Variants in ZDHHC11B observed in about 807,000 individuals in gnomAD.
The protein encoded by ZDHHC11B is zDHHC palmitoyltransferase 11B (putative), also known as probable palmitoyltransferase ZDHHC11B.
Under a neutral mutation model 42.3 loss-of-function variants are expected in ZDHHC11B, and 17 were observed. The observed-to-expected ratio is 0.40, with a 90% CI of 0.27 to 0.60. The LOEUF is 0.60. ZDHHC11B is among the 20% of genes least tolerant of loss of function. The pLI is 0.41. For synonymous variants in ZDHHC11B, 123 were observed against 193.5 expected, an observed-to-expected ratio of 0.64 and a Z score of 3.02; for missense variants, 262 against 463.2, an observed-to-expected ratio of 0.57 and a Z score of 3.99.
rs1346350033 is a variant in ZDHHC11B at position 776,757 on chromosome 5, G to A, written c.-229-7827C>T. ...GACCTGGGAGCCCTGCCCTCCTGCC[G>A]AGGAGGTGCTTCCCCATTAAACAGG... On this transcript the variant is annotated intron_variant, in intron 1 of 13. Transcript: ENST00000508859. Among the ~76,000 whole-genome samples, 39 of 151,990 alleles carry A rather than the reference G, an allele frequency of 2.6e-4. 1 individual carries two copies. Among genetic ancestry groups the A allele is most frequent in the Non-Finnish European group, 4.6e-4 (31 of 67,928 alleles).
At chr5:737,831 C>T (rs1248671873) in intron 10 of ZDHHC11B, among the ~76,000 whole-genome samples, 3 of 146,160 alleles carry the variant, frequency 2.1e-5, no homozygotes, top group African/African-American at 7.7e-5. Flanking sequence ...TATGACAAAC[C>T]CACAGCCAAC....
rs1343647794 is a variant in ZDHHC11B, at chr5:710,816, C to T, written c.*1474G>A. The T allele has an allele frequency of 1.3e-5, 2 of 152,810 alleles. No individual in the cohort carries two copies. The highest frequency in any genetic ancestry group is 2.9e-5 in the Non-Finnish European group (2 of 68,282). 9.5% of individuals were successfully genotyped at this position (152,810 alleles called of 1,614,324 possible). ...TGCTCCCATTTCCGAATACTGTGCTCCCATTTCCCAGTACTGTGAGCTCCC... is the reference window on the plus strand; with the variant it reads ...TGCTCCCATTTCCGAATACTGTGCTTCCATTTCCCAGTACTGTGAGCTCCC... On this transcript the variant is annotated 3_prime_UTR_variant, in exon 14 of 14. Transcript: ENST00000508859.
chr5:728,618 G>T (rs1256720897), intron 12 of ZDHHC11B, among the ~76,000 whole-genome samples: 1 of 151,998 alleles, frequency 6.6e-6, no homozygotes, highest in Admixed American at 6.6e-5. Flanking sequence ...CAGGAAGGGA[G>T]GTGCAGAATA....
intron 1 of ZDHHC11B, among the ~76,000 whole-genome samples, chr5:770,220 C>T (rs1188135912): frequency 1.8e-4 from 27 of 150,452 alleles, no homozygotes; most frequent in African/African-American, 5.8e-4. Context: ...CAGGACGTGG[C>T]GAGGGCTGAG....
At position 715,712 on chromosome 5, in the gene ZDHHC11B, TCTGGGCTTTCAAGGTGATG is replaced by T. The variant is rs565927137; in HGVS notation, c.*7+1070_*7+1088del. Among the ~76,000 whole-genome samples the T allele has an allele frequency of 2.0e-4, 30 of 151,690 alleles. 1 individual carries two copies. In the South Asian group the frequency reaches 5.8e-3, roughly 29 times the overall value. The stretch of plus-strand genomic sequence containing the variant: ...ACAATTTTCACAGGTTTGCTGTCTC[TCTGGGCTTTCAAGGTGATG>T]TCTATTCCCAGTTCTGCAAAATTTT... On this transcript the variant is annotated intron_variant, in intron 13 of 13. Coordinates refer to ENST00000508859, the MANE Select transcript of ZDHHC11B (RefSeq NM_001351303.2).
At chr5:718,674 C>T (rs1806708) in intron 12 of ZDHHC11B, among the ~76,000 whole-genome samples, 101,787 of 144,344 alleles carry the variant, frequency 0.71, 34,109 homozygotes, top group African/African-American at 0.91. Flanking sequence ...CTAGCCTGGG[C>T]GACAGAGCGA....
At chr5:720,088 C>T (rs1250370238) in intron 12 of ZDHHC11B, among the ~76,000 whole-genome samples, 4 of 151,732 alleles carry the variant, frequency 2.6e-5, no homozygotes, top group African/African-American at 4.9e-5. Context: ...AATGGGGGAG[C>T]AGGAGACTAC....
chr5:759,472 G>A (rs7733158), intron 4 of ZDHHC11B, among the ~76,000 whole-genome samples: 43,826 of 145,508 alleles, frequency 0.3, 4,049 homozygotes, highest in Middle Eastern at 0.35. Context: ...TGCAGCTACC[G>A]AGCTCGTGCT....
chr5:727,910 A>G (rs1452616304), intron 12 of ZDHHC11B, among the ~76,000 whole-genome samples: 3 of 151,844 alleles, frequency 2.0e-5, no homozygotes, highest in Admixed American at 2.0e-4. Flanking sequence ...AAAGCAAGAC[A>G]GGAACATTTG....
chr5:771,752 G>A (rs1736071971), intron 1 of ZDHHC11B, among the ~76,000 whole-genome samples: 1 of 150,932 alleles, frequency 6.6e-6, no homozygotes, highest in African/African-American at 2.4e-5. Context: ...TGGTGGGCGT[G>A]CGGGTCAGAG....
chr5:737,597 T>C (rs1279540767), intron 10 of ZDHHC11B, among the ~76,000 whole-genome samples: 1 of 149,460 alleles, frequency 6.7e-6, no homozygotes, highest in Non-Finnish European at 1.5e-5. Context: ...AAAAAGATAA[T>C]AACACCATAG....
chr5:733,698 A>T (rs1487404799), intron 11 of ZDHHC11B, 54 bp downstream of exon 11: 2 of 1,520,368 alleles, frequency 1.3e-6, no homozygotes, highest in African/African-American at 2.8e-5. Context: ...CCGAGACCAC[A>T]TATTCTGCAC....
Position 762,669 on chromosome 5 carries a change from A to G in ZDHHC11B, c.222+4029T>C, listed in dbSNP as rs565393004. Reference sequence around the variant, plus strand: ...CATGCCCGGGTCTGTGCATGTGCTCACAGAAAATACATAGCTTTAAACACA... The same window carrying G: ...CATGCCCGGGTCTGTGCATGTGCTCGCAGAAAATACATAGCTTTAAACACA... On this transcript the variant is annotated intron_variant, in intron 4 of 13. Coordinates refer to ENST00000508859, the MANE Select transcript of ZDHHC11B (RefSeq NM_001351303.2). 4.5e-4 allele frequency among the ~76,000 whole-genome samples: 69 copies of G among 151,944 alleles called. 1 individual carries two copies. The highest frequency in any genetic ancestry group is 1.6e-3 in the African/African-American group (67 of 41,452).
intron 10 of ZDHHC11B, among the ~76,000 whole-genome samples, chr5:738,965 G>C (rs1388342240): frequency 2.7e-5 from 4 of 150,912 alleles, no homozygotes; most frequent in Non-Finnish European, 4.4e-5. Context: ...TTTTAAATAA[G>C]TACCTTCTGC....
intron 12 of ZDHHC11B, among the ~76,000 whole-genome samples, chr5:717,715 A>C (rs1258375901): frequency 6.6e-6 from 1 of 151,804 alleles, no homozygotes; most frequent in Non-Finnish European, 1.5e-5. Flanking sequence ...CTAGGAGGAA[A>C]GGATGCAAAT....
At chr5:743,992 G>A (rs535293261) in intron 9 of ZDHHC11B, among the ~76,000 whole-genome samples, 7 of 149,872 alleles carry the variant, frequency 4.7e-5, no homozygotes, top group Non-Finnish European at 7.4e-5. Flanking sequence ...TACACAGGGT[G>A]CTTTCCTATC....
At chr5:783,693 ACAG>A (rs1227869780) in intron 1 of ZDHHC11B, among the ~76,000 whole-genome samples, 1 of 137,556 alleles carries the variant, frequency 7.3e-6, no homozygotes, top group African/African-American at 2.7e-5. Flanking sequence ...CCCTATCAAA[ACAG>A]CAGCGCCCAA....
At chr5:727,886 A>C (rs1394787098) in intron 12 of ZDHHC11B, among the ~76,000 whole-genome samples, 1 of 151,776 alleles carries the variant, frequency 6.6e-6, no homozygotes, top group Non-Finnish European at 1.5e-5. Flanking sequence ...ACCCTGGAGT[A>C]AGAAAGACTT....
chr5:733,021 C>A (rs536559982), intron 11 of ZDHHC11B, among the ~76,000 whole-genome samples: 3 of 151,758 alleles, frequency 2.0e-5, no homozygotes, highest in East Asian at 1.9e-4. Flanking sequence ...CCCACCACTG[C>A]CATCCATGTT....
Sources: gnomAD v4.1 joint callset for allele counts (sites outside exome capture counted in the v4.1 genomes callset) on GRCh38, gnomAD v4.1.1 for gene constraint, MANE v1.5 for transcripts, NCBI Gene and HGNC (gene_info 2026-07-23, HGNC 2026-07-21) for gene names.